The following TENM2 variants were observed in gnomAD, a reference collection of about 807,000 sequenced individuals.
TENM2 encodes the protein teneurin transmembrane protein 2, also known as teneurin-2.
A neutral mutation model predicts 245.2 loss-of-function variants in TENM2; 52 were observed. The observed-to-expected ratio is 0.21, with a 90% confidence interval of 0.17 to 0.27. The LOEUF (loss-of-function observed/expected upper bound fraction) is 0.27. TENM2 is among the 10% of genes least tolerant of loss of function. The pLI, the probability that TENM2 is intolerant of heterozygous loss-of-function variation, is 1.00. For synonymous variants in TENM2, 1,363 were observed against 1,438.9 expected, an observed-to-expected ratio of 0.95 and a Z score of 1.19; for missense variants, 3,046 against 3,666.8, an observed-to-expected ratio of 0.83 and a Z score of 4.37.
intron 2 of TENM2, among the ~76,000 whole-genome samples, chr5:167,405,539 A>G (rs529501406): frequency 2.0e-5 from 3 of 152,128 alleles, no homozygotes; most frequent in Admixed American, 6.6e-5. Flanking sequence ...TATTGTTTAT[A>G]AAGGTAATCT....
chr5:167,864,154 G>A (rs1772097499), intron 2 of TENM2, among the ~76,000 whole-genome samples: 1 of 152,168 alleles, frequency 6.6e-6, no homozygotes, highest in African/African-American at 2.4e-5. Context: ...AGCATCTGCT[G>A]CCTAGAGTGC....
chr5:167,275,420 A>T, the TENM2 span, among the ~76,000 whole-genome samples: 16 of 152,114 alleles, frequency 1.1e-4, no homozygotes, highest in Non-Finnish European at 2.2e-4. Context: ...TTTCATAGGA[A>T]TTTCATTCAA....
intron 2 of TENM2, among the ~76,000 whole-genome samples, chr5:167,812,713 G>A (rs1766732668): frequency 6.6e-6 from 1 of 152,178 alleles, no homozygotes; most frequent in Admixed American, 6.5e-5. Flanking sequence ...TTGCGCCTGA[G>A]GATATTTGTG....
At chr5:167,619,619 G>T (rs1260662132) in intron 2 of TENM2, among the ~76,000 whole-genome samples, 1 of 152,158 alleles carries the variant, frequency 6.6e-6, no homozygotes, top group Admixed American at 6.5e-5. Flanking sequence ...TCTCACAGTT[G>T]TCTTGAGGAT....
At chr5:167,587,495 G>T (rs1775587321) in intron 2 of TENM2, among the ~76,000 whole-genome samples, 1 of 152,136 alleles carries the variant, frequency 6.6e-6, no homozygotes, top group South Asian at 2.1e-4. Flanking sequence ...CAGTGGGTCG[G>T]ATCAATGCAC....
At chr5:167,876,268 A>G in intron 3 of TENM2, 73 bp downstream of exon 5, 1 of 1,301,524 alleles carries the variant, frequency 7.7e-7, no homozygotes, top group Non-Finnish European at 1.1e-6. Flanking sequence ...CCAAAATGAC[A>G]ATGCTGAAAC....
chr5:167,405,679 C>T (rs775376465), intron 2 of TENM2, among the ~76,000 whole-genome samples: 9 of 151,752 alleles, frequency 5.9e-5, no homozygotes, highest in Non-Finnish European at 1.0e-4. Context: ...CTGTTCATCT[C>T]TTCCTAACTC....
At chr5:167,413,165 TAATTC>T (rs759955733) in intron 2 of TENM2, among the ~76,000 whole-genome samples, 26 of 152,288 alleles carry the variant, frequency 1.7e-4, no homozygotes, top group Admixed American at 3.3e-4. Context: ...TCATCAGTAT[TAATTC>T]AATTCTATTT....
At chr5:167,236,041 T>C in the TENM2 span, among the ~76,000 whole-genome samples, 1 of 152,102 alleles carries the variant, frequency 6.6e-6, no homozygotes, top group African/African-American at 2.4e-5. Flanking sequence ...AATTCCAAAT[T>C]AGTTTTAAAA....
chr5:167,750,937 T>C lies in TENM2; in HGVS notation c.503-125049T>C, dbSNP rs1761917797. Among the ~76,000 whole-genome samples, 2 of 152,174 alleles carry C rather than the reference T, an allele frequency of 1.3e-5. 1 individual carries two copies. Among genetic ancestry groups the C allele is most frequent in the South Asian group, 4.1e-4 (2 of 4,828 alleles). On this transcript the variant is annotated intron_variant, in intron 2 of 28. Coordinates refer to ENST00000518659, the Ensembl canonical transcript of TENM2. ...AAGGTCTTGAAGAAAATTTATAGAATAGAATGACAGCATGTAACATCAGGA... is the reference window on the plus strand; with the variant it reads ...AAGGTCTTGAAGAAAATTTATAGAACAGAATGACAGCATGTAACATCAGGA...
At chr5:167,211,035 G>A in the TENM2 span, among the ~76,000 whole-genome samples, 302 of 152,296 alleles carry the variant, frequency 2.0e-3, 1 homozygote, top group African/African-American at 6.8e-3. Context: ...TTGTGAAAGG[G>A]AGGGACTCAG....
At chr5:167,109,293 C>T in the TENM2 span, among the ~76,000 whole-genome samples, 2 of 150,750 alleles carry the variant, frequency 1.3e-5, no homozygotes, top group Non-Finnish European at 1.5e-5. Flanking sequence ...GAGCAGCTCT[C>T]ATTTGATAAA....
chr5:167,969,321 AG>A (rs1429182846), intron 4 of TENM2, among the ~76,000 whole-genome samples: 3 of 151,674 alleles, frequency 2.0e-5, no homozygotes, highest in Non-Finnish European at 4.4e-5. Flanking sequence ...TGGTTTTATA[AG>A]GGGGAGTTTC....
chr5:167,271,087 G>A, the TENM2 span, among the ~76,000 whole-genome samples: 110 of 152,178 alleles, frequency 7.2e-4, no homozygotes, highest in African/African-American at 2.6e-3. Flanking sequence ...CATTTACAGA[G>A]AGGGGCACAT....
intron 3 of TENM2, among the ~76,000 whole-genome samples, chr5:167,918,727 T>C (rs892301146): frequency 6.6e-6 from 1 of 152,034 alleles, no homozygotes; most frequent in East Asian, 1.9e-4. Flanking sequence ...GCACCTCCTG[T>C]TAGGCTGACA....
intron 3 of TENM2, among the ~76,000 whole-genome samples, chr5:167,943,613 G>C (rs1023007437): frequency 6.6e-6 from 1 of 152,144 alleles, no homozygotes; most frequent in South Asian, 2.1e-4. Flanking sequence ...TATGTGATGA[G>C]CTGGAATGAG....
chr5:167,307,003 G>T (rs1028917683), intron 1 of TENM2, among the ~76,000 whole-genome samples: 1 of 152,148 alleles, frequency 6.6e-6, no homozygotes, highest in African/African-American at 2.4e-5. Flanking sequence ...CCAAGCTATT[G>T]CACTCCAGTG....
chr5:168,030,818 T>G (rs1368364709), intron 5 of TENM2, among the ~76,000 whole-genome samples: 1 of 152,214 alleles, frequency 6.6e-6, no homozygotes, highest in Non-Finnish European at 1.5e-5. Flanking sequence ...TATTGCCATC[T>G]AATGTGTTTT....
chr5:167,929,387 A>G (rs1261831447), intron 3 of TENM2, among the ~76,000 whole-genome samples: 2 of 152,174 alleles, frequency 1.3e-5, no homozygotes, highest in Non-Finnish European at 2.9e-5. Context: ...AGTCTAGAAA[A>G]TTCTGAGTCT....
Sources: allele counts gnomAD v4.1 joint callset (sites outside exome capture counted in the v4.1 genomes callset), GRCh38; gene constraint gnomAD v4.1.1; transcripts MANE v1.5; gene names NCBI Gene and HGNC (gene_info 2026-07-23, HGNC 2026-07-21).